ALK: variants seen among roughly 807,000 people sequenced by gnomAD.
The protein encoded by ALK is ALK tyrosine kinase receptor.
A neutral mutation model predicts 163.1 loss-of-function variants in ALK; 74 were observed. The ratio of observed to expected loss-of-function variants is 0.45; its 90% CI spans 0.38 to 0.55. The LOEUF is 0.55. Among genes scored for constraint, ALK ranks in the 20% least tolerant of loss-of-function variants. The pLI, the probability that ALK is intolerant of heterozygous loss-of-function variation, is 0.00. For synonymous variants in ALK, 960 were observed against 843.2 expected, an observed-to-expected ratio of 1.14 and a Z score of -2.40; for missense variants, 2,063 against 2,105.3, an observed-to-expected ratio of 0.98 and a Z score of 0.39.
intron 1 of ALK, among the ~76,000 whole-genome samples, chr2:29,777,568 C>G (rs1372539850): frequency 6.6e-6 from 1 of 152,108 alleles, no homozygotes; most frequent in African/African-American, 2.4e-5. Flanking sequence ...GGCTGGCTTT[C>G]TCTTCCCCAT....
intron 3 of ALK, among the ~76,000 whole-genome samples, chr2:29,620,165 A>T (rs903537074): frequency 3.9e-5 from 6 of 152,190 alleles, no homozygotes; most frequent in African/African-American, 1.4e-4. Context: ...AATCCCATTC[A>T]CTGGGTGGGC....
At chr2:29,204,700 C>T (rs1439534454) in intron 26 of ALK, among the ~76,000 whole-genome samples, 2 of 152,202 alleles carry the variant, frequency 1.3e-5, no homozygotes, top group African/African-American at 4.8e-5. Context: ...AGCATTTCTC[C>T]TGCCTCAGCC....
At chr2:29,353,554 G>A (rs1276444671) in intron 5 of ALK, among the ~76,000 whole-genome samples, 1 of 152,128 alleles carries the variant, frequency 6.6e-6, no homozygotes, top group Non-Finnish European at 1.5e-5. Flanking sequence ...AGAGAGCAGA[G>A]GGCAGGGAAT....
intron 1 of ALK, among the ~76,000 whole-genome samples, chr2:29,896,130 G>A (rs1667262968): frequency 6.6e-6 from 1 of 152,234 alleles, no homozygotes; most frequent in Admixed American, 6.5e-5. Context: ...ACAAGGCAGG[G>A]GTCACAAGCT....
chr2:29,700,997 A>G (rs1466838194), intron 2 of ALK, among the ~76,000 whole-genome samples: 1 of 152,236 alleles, frequency 6.6e-6, no homozygotes, highest in Non-Finnish European at 1.5e-5. Context: ...TTACTCAGGC[A>G]GAGATGGAGG....
chr2:29,589,412 A>G (rs1260659813), intron 3 of ALK, among the ~76,000 whole-genome samples: 1 of 152,206 alleles, frequency 6.6e-6, no homozygotes, highest in Non-Finnish European at 1.5e-5. Context: ...AATCTTCACA[A>G]CAACCCTGCA....
chr2:29,787,541 G>A (rs886152605), intron 1 of ALK, among the ~76,000 whole-genome samples: 25 of 152,182 alleles, frequency 1.6e-4, no homozygotes, highest in African/African-American at 4.6e-4. Context: ...TATGACAAGC[G>A]GTCCATGGGA....
At chr2:29,900,786 G>C (rs530551182) in intron 1 of ALK, among the ~76,000 whole-genome samples, 11 of 152,264 alleles carry the variant, frequency 7.2e-5, no homozygotes, top group African/African-American at 2.6e-4. Context: ...CACCTCAAGA[G>C]AGAGACATGT....
chr2:29,542,908 T>A (rs1238722947), intron 3 of ALK, among the ~76,000 whole-genome samples: 3 of 152,210 alleles, frequency 2.0e-5, no homozygotes, highest in African/African-American at 7.2e-5. Flanking sequence ...ATAATTTAAT[T>A]ACCCCATGCT....
intron 2 of ALK, among the ~76,000 whole-genome samples, chr2:29,707,006 T>TGTGTGTGTGTGC (rs1678930212): frequency 6.7e-6 from 1 of 150,274 alleles, no homozygotes; most frequent in Admixed American, 6.6e-5. Context: ...TGTGTGTGTG[T>TGTGTGTGTGTGC]GTGTGTGTGT....
chr2:29,370,824 T>G (rs1225439171), intron 5 of ALK, among the ~76,000 whole-genome samples: 1 of 152,236 alleles, frequency 6.6e-6, no homozygotes, highest in Non-Finnish European at 1.5e-5. Context: ...TGTTGGCCCA[T>G]CATCCCCTAG....
chr2:29,591,084 A>G (rs1015112773), intron 3 of ALK, among the ~76,000 whole-genome samples: 1 of 150,280 alleles, frequency 6.7e-6, no homozygotes, highest in Non-Finnish European at 1.5e-5. Context: ...AAAAAAAAAA[A>G]AAAAAAAAAA....
intron 4 of ALK, among the ~76,000 whole-genome samples, chr2:29,518,358 A>G (rs76080657): frequency 6.6e-6 from 1 of 152,338 alleles, no homozygotes; most frequent in East Asian, 1.9e-4. Context: ...CTGGGGCCAG[A>G]ATTGAATTTC....
At chr2:29,847,717 G>C (rs1023627680) in intron 1 of ALK, among the ~76,000 whole-genome samples, 1 of 150,898 alleles carries the variant, frequency 6.6e-6, no homozygotes, top group Non-Finnish European at 1.5e-5. Flanking sequence ...TCATTCATTC[G>C]TTTATAAACT....
intron 12 of ALK, among the ~76,000 whole-genome samples, chr2:29,245,906 A>G (rs544296997): frequency 2.6e-5 from 4 of 152,374 alleles, no homozygotes; most frequent in African/African-American, 9.6e-5. Flanking sequence ...GTGGAGTTGA[A>G]TGATGGCGTT....
intron 11 of ALK, among the ~76,000 whole-genome samples, chr2:29,265,113 G>A (rs1443177991): frequency 6.6e-6 from 1 of 152,060 alleles, no homozygotes; most frequent in African/African-American, 2.4e-5. Context: ...TCTGCTTCCT[G>A]GGTTCAAGTG....
rs544024678 is a variant in ALK at position 29,431,509 on chromosome 2, T to C, written c.1155-47650A>G. On this transcript the variant is annotated intron_variant, in intron 4 of 28. Coordinates refer to ENST00000389048, the MANE Select transcript of ALK (RefSeq NM_004304.5). ...TGACTTATTCTAGGCACATGGAGAC[T>C]GACAAATCAAGGAGGTCAAACCTTT... 2.6e-5 allele frequency among the ~76,000 whole-genome samples: 4 copies of C among 152,342 alleles called. No individual in the cohort carries two copies. The East Asian group carries it at 7.7e-4, about 29-fold the overall frequency.
At chr2:29,837,231 G>A (rs1490395713) in intron 1 of ALK, among the ~76,000 whole-genome samples, 1 of 152,138 alleles carries the variant, frequency 6.6e-6, no homozygotes, top group Non-Finnish European at 1.5e-5. Flanking sequence ...CTATCTGGAG[G>A]CACTTGTTGG....
intron 1 of ALK, among the ~76,000 whole-genome samples, chr2:29,889,590 A>C (rs1667083628): frequency 6.6e-6 from 1 of 151,932 alleles, no homozygotes; most frequent in Admixed American, 6.6e-5. Context: ...AAGTGACAGC[A>C]GAGAGACAGC....
Sources: gnomAD v4.1 joint callset for allele counts (sites outside exome capture counted in the v4.1 genomes callset) on GRCh38, gnomAD v4.1.1 for gene constraint, MANE v1.5 for transcripts, NCBI Gene and HGNC (gene_info 2026-07-23, HGNC 2026-07-21) for gene names.